The following TAF2 variants were observed in gnomAD, a reference collection of about 807,000 sequenced individuals.
TAF2 encodes TATA-box binding protein associated factor 2.
A neutral mutation model predicts 138.5 loss-of-function variants in TAF2; 61 were observed. The ratio of observed to expected loss-of-function variants is 0.44; its 90% CI spans 0.36 to 0.54. The LOEUF (loss-of-function observed/expected upper bound fraction) is 0.54. Among genes scored for constraint, TAF2 ranks in the 20% least tolerant of loss-of-function variants. The pLI is 0.00. For synonymous variants in TAF2, 475 were observed against 469.9 expected (o/e 1.01, Z -0.14); for missense variants, 1,090 against 1,427.9 (o/e 0.76, Z 3.81).
At chr8:119,830,491 C>A (rs1401215619) in intron 2 of TAF2, among the ~76,000 whole-genome samples, 3 of 152,058 alleles carry the variant, frequency 2.0e-5, no homozygotes, top group Admixed American at 2.0e-4. Flanking sequence ...TCTTTCCTAC[C>A]CAATTCATAC....
intron 3 of TAF2, 50 bp from the exon 4 acceptor site, chr8:119,806,451 A>C: frequency 3.0e-6 from 4 of 1,352,502 alleles, no homozygotes; most frequent in Non-Finnish European, 4.1e-6. Context: ...GTATCTTACC[A>C]AGCATTTTTC....
intron 25 of TAF2, among the ~76,000 whole-genome samples, chr8:119,739,715 A>G (rs1819468995): frequency 6.6e-6 from 1 of 150,690 alleles, no homozygotes. Context: ...GAGGCCAGAA[A>G]CTCAAAAGCC....
intron 7 of TAF2, 50 bp downstream of exon 7, chr8:119,797,612 T>A: frequency 6.4e-7 from 1 of 1,562,314 alleles, no homozygotes; most frequent in Middle Eastern, 1.7e-4. Flanking sequence ...GTAAATTTTC[T>A]TCATATCATG....
At chr8:119,793,527 A>C in intron 9 of TAF2, 76 bp from the exon 10 acceptor site, 2 of 1,007,400 alleles carry the variant, frequency 2.0e-6, no homozygotes, top group Non-Finnish European at 3.1e-6. Context: ...TTTAGAATTA[A>C]ACTGTGAATT....
intron 5 of TAF2, among the ~76,000 whole-genome samples, chr8:119,803,670 G>A (rs980658334): frequency 2.0e-5 from 3 of 150,768 alleles, no homozygotes; most frequent in African/African-American, 7.3e-5. Context: ...TTCCAACAAG[G>A]GTGACAGAGC....
In TAF2 at chr8:119,795,486, G is replaced by C. The variant is rs1563891011; in HGVS notation, c.1191+46C>G. 2.7e-6 allele frequency: 4 copies of C among 1,468,496 alleles called. No homozygotes were observed. In the East Asian group the frequency reaches 6.8e-5, roughly 25 times the overall value. 91.0% of individuals were successfully genotyped at this position (1,468,496 alleles called of 1,614,324 possible). On this transcript the variant is annotated intron_variant, in intron 9 of 25. Transcript: ENST00000378164. ...AAGTATTTTACAGTCATTAAAAATGGAGGACATAAGACTTGTAAGTGGATA... is the reference window on the plus strand; with the variant it reads ...AAGTATTTTACAGTCATTAAAAATGCAGGACATAAGACTTGTAAGTGGATA...
chr8:119,769,674 G>A (rs1225273496), intron 18 of TAF2, among the ~76,000 whole-genome samples: 3 of 151,368 alleles, frequency 2.0e-5, no homozygotes, highest in Non-Finnish European at 4.4e-5. Flanking sequence ...CAAAACACAG[G>A]TGCAAGCTTT....
chr8:119,819,432 T>C lies in TAF2; in HGVS notation c.213A>G (p.Arg71=). Residue 71 remains arginine (R), a synonymous_variant, in exon 3 of 26, where the codon AGA becomes AGG. Coordinates refer to ENST00000378164, the MANE Select transcript of TAF2 (RefSeq NM_003184.4). ...AATCATTGATCCTTACTCGGTATAT[T>C]CTACACTGTTTGCTGTTCAACTTGA... The part of the protein sequence containing the change: ...NRIKLNSKQC[R]IYRVRINDLE... The C allele has an allele frequency of 6.2e-7, 1 of 1,612,468 alleles. No individual in the cohort carries two copies. The highest frequency in any genetic ancestry group is 1.1e-5 in the South Asian group (1 of 91,066).
At position 119,808,870 on chromosome 8, in the gene TAF2, G is replaced by A. The variant is rs1049191596; in HGVS notation, c.300-2469C>T. Among the ~76,000 whole-genome samples, 4 of 152,310 alleles carry A rather than the reference G, an allele frequency of 2.6e-5. No homozygotes were observed. In the East Asian group the frequency reaches 7.7e-4, roughly 29 times the overall value. On this transcript the variant is annotated intron_variant, in intron 3 of 25. Coordinates refer to ENST00000378164, the MANE Select transcript of TAF2 (RefSeq NM_003184.4). ...TCAGTAAGCCATACTGTGAACACCTGTTGTCATCCAGGCTCTGTTGCTTCA... is the reference window on the plus strand; with the variant it reads ...TCAGTAAGCCATACTGTGAACACCTATTGTCATCCAGGCTCTGTTGCTTCA...
intron 17 of TAF2, among the ~76,000 whole-genome samples, chr8:119,779,484 A>G (rs973014735): frequency 3.3e-5 from 5 of 152,220 alleles, no homozygotes; most frequent in African/African-American, 7.2e-5. Context: ...TGAGACAGAT[A>G]TATCAGGTGG....
At chr8:119,763,189 C>A (rs569999860) in intron 18 of TAF2, among the ~76,000 whole-genome samples, 1 of 152,228 alleles carries the variant, frequency 6.6e-6, no homozygotes, top group Non-Finnish European at 1.5e-5. Context: ...AATGCAGAGT[C>A]CCTAAACATT....
At position 119,744,389 on chromosome 8, in the gene TAF2, G is replaced by A. The variant is rs779726681; in HGVS notation, c.3113C>T (p.Ser1038Phe). 3 of 1,612,584 alleles carry A rather than the reference G, an allele frequency of 1.9e-6. No individual in the cohort carries two copies. The highest frequency in any genetic ancestry group is 2.5e-6 in the Non-Finnish European group (3 of 1,179,390). The change falls in exon 24 of 26, where the codon TCC becomes TTC. Residue 1038 changes from serine (S) to phenylalanine (F), a missense_variant. This residue lies in a region of TAF2 where 580 missense variants were observed against 719.6 expected (regional missense o/e 0.81). Coordinates refer to ENST00000378164, the MANE Select transcript of TAF2 (RefSeq NM_003184.4). Reference sequence around the variant, plus strand: ...AATCTCCTCCTCATCTTGAGAACTGGAAAACTAAAACACACACACATAAAA... The same window carrying A: ...AATCTCCTCCTCATCTTGAGAACTGAAAAACTAAAACACACACACATAAAA... ...PQLVGFQNPF[S>F]SSQDEEEIDM...
chr8:119,805,487 C>A (rs537006610), intron 4 of TAF2, among the ~76,000 whole-genome samples: 1 of 152,212 alleles, frequency 6.6e-6, no homozygotes, highest in East Asian at 1.9e-4. Context: ...GGGTGGATCA[C>A]CTGAGGTCAG....
intron 16 of TAF2, 103 bp downstream of exon 16, chr8:119,783,278 C>A: frequency 2.1e-6 from 3 of 1,408,038 alleles, no homozygotes; most frequent in South Asian, 1.4e-5. Context: ...TTCAAAGAAT[C>A]AGCTACCAAG....
At chr8:119,751,975 G>A (rs1820384037) in intron 22 of TAF2, among the ~76,000 whole-genome samples, 1 of 152,098 alleles carries the variant, frequency 6.6e-6, no homozygotes, top group Admixed American at 6.6e-5. Context: ...TTGTCGATAT[G>A]TAGAATGACC....
intron 23 of TAF2, chr8:119,744,915 T>C (rs576475665): frequency 2.2e-6 from 1 of 456,258 alleles, no homozygotes; most frequent in East Asian, 7.0e-5. Context: ...GCTATCCTCA[T>C]TCTTCTCCAG....
intron 18 of TAF2, among the ~76,000 whole-genome samples, chr8:119,765,786 ATGATAGG>A (rs1821380574): frequency 6.6e-6 from 1 of 152,248 alleles, no homozygotes; most frequent in African/African-American, 2.4e-5. Context: ...GCAACTGCTA[ATGATAGG>A]TAACATAACT....
chr8:119,759,051 C>A (rs1402115616), intron 20 of TAF2, among the ~76,000 whole-genome samples: 3 of 152,004 alleles, frequency 2.0e-5, no homozygotes, highest in African/African-American at 7.2e-5. Context: ...TAAAAACTAT[C>A]CATACATCTT....
chr8:119,742,931 T>C (rs1357164771), intron 24 of TAF2, among the ~76,000 whole-genome samples: 1 of 151,842 alleles, frequency 6.6e-6, no homozygotes, highest in Non-Finnish European at 1.5e-5. Flanking sequence ...TAGCCGGGCA[T>C]GGTGGTGCGC....
Sources: gnomAD v4.1 joint callset for allele counts (sites outside exome capture counted in the v4.1 genomes callset) on GRCh38, gnomAD v4.1.1 for gene constraint, gnomAD v4.1.1 regional missense constraint, MANE v1.5 for transcripts, NCBI Gene and HGNC (gene_info 2026-07-23, HGNC 2026-07-21) for gene names.